The following WLS variants were observed in gnomAD, a reference collection of about 807,000 sequenced individuals.
The protein encoded by WLS is protein wntless homolog.
Under a neutral mutation model 62.8 loss-of-function variants are expected in WLS, and 23 were observed. The observed-to-expected ratio is 0.37, with a 90% CI of 0.26 to 0.52. The LOEUF is 0.52. WLS is among the 20% of genes least tolerant of loss of function. The probability of loss-of-function intolerance (pLI) is 0.92; values close to 1 mark genes in which losing one functional copy is unlikely to be tolerated. For synonymous variants in WLS, 246 were observed against 244.1 expected (o/e 1.01, Z -0.07); for missense variants, 615 against 697.3 (o/e 0.88, Z 1.33).
chr1:68,224,975 A>G (rs533869459), intron 1 of WLS, among the ~76,000 whole-genome samples: 1 of 152,288 alleles, frequency 6.6e-6, no homozygotes, highest in Non-Finnish European at 1.5e-5. Flanking sequence ...ACTCTTATTT[A>G]CTATCTCTGC....
At chr1:68,159,779 G>T (rs1426072986) in intron 2 of WLS, among the ~76,000 whole-genome samples, 1 of 152,162 alleles carries the variant, frequency 6.6e-6, no homozygotes, top group East Asian at 1.9e-4. Context: ...ATTCCCGAAA[G>T]TTCTCAAATA....
intron 1 of WLS, among the ~76,000 whole-genome samples, chr1:68,227,222 C>T (rs565747985): frequency 2.0e-5 from 3 of 151,994 alleles, no homozygotes; most frequent in South Asian, 4.2e-4. Flanking sequence ...GGTGAAACCC[C>T]GCCTGGCCAA....
At chr1:68,153,179 T>G (rs1367789534) in intron 5 of WLS, among the ~76,000 whole-genome samples, 1 of 151,898 alleles carries the variant, frequency 6.6e-6, no homozygotes, top group African/African-American at 2.4e-5. Context: ...GAGGCTGAGG[T>G]GGGATGACCA....
At chr1:68,162,810 C>A (rs796314259) in intron 2 of WLS, 1 of 1,246,152 alleles carries the variant, frequency 8.0e-7, no homozygotes, top group South Asian at 1.2e-5. Flanking sequence ...GGGCCTTAAA[C>A]TTTTCTAGGT....
chr1:68,147,885 G>A (rs746594908), intron 8 of WLS, among the ~76,000 whole-genome samples: 4 of 152,222 alleles, frequency 2.6e-5, no homozygotes, highest in Non-Finnish European at 5.9e-5. Flanking sequence ...GCTGCAGTAA[G>A]CCTAGCAACT....
chr1:68,101,753 T>C (rs9436366), intron 11 of WLS, among the ~76,000 whole-genome samples: 6,622 of 152,280 alleles, frequency 0.043, 425 homozygotes, highest in African/African-American at 0.14. Flanking sequence ...ATGGTGAAAG[T>C]TCAGGAAGAC....
At chr1:68,129,010 C>T (rs1234630773) in intron 11 of WLS, among the ~76,000 whole-genome samples, 1 of 150,274 alleles carries the variant, frequency 6.7e-6, no homozygotes, top group South Asian at 2.1e-4. Flanking sequence ...GAAGTCCACA[C>T]ACACAGCATT....
At chr1:68,165,663 T>C (rs748719937) in intron 2 of WLS, among the ~76,000 whole-genome samples, 16 of 152,134 alleles carry the variant, frequency 1.1e-4, no homozygotes, top group African/African-American at 3.1e-4. Context: ...CCTCTCTTTA[T>C]GGGATGGAGC....
At chr1:68,228,177 A>T (rs970026783) in intron 1 of WLS, 1 of 404,604 alleles carries the variant, frequency 2.5e-6, no homozygotes, top group Non-Finnish European at 4.8e-6. Flanking sequence ...AGAAACAATG[A>T]TCTTTTCTAA....
Position 68,126,108 on chromosome 1 carries a change from C to T in WLS, c.*118G>A. ...ATGTCCATGCCGCTGGTCCAAGAAACCACAGCTAAGAGCCATGAGGCATTC... is the reference window on the plus strand; with the variant it reads ...ATGTCCATGCCGCTGGTCCAAGAAATCACAGCTAAGAGCCATGAGGCATTC... On this transcript the variant is annotated 3_prime_UTR_variant, in exon 12 of 12. Coordinates refer to ENST00000262348, the MANE Select transcript of WLS (RefSeq NM_024911.7). The T allele has an allele frequency of 2.0e-6, 3 of 1,468,586 alleles. No individual in the cohort carries two copies. The highest frequency in any genetic ancestry group is 2.7e-6 in the Non-Finnish European group (3 of 1,107,124). 91.0% of individuals were successfully genotyped at this position (1,468,586 alleles called of 1,614,324 possible).
chr1:68,176,513 T>C (rs1476641063), intron 2 of WLS: 3 of 152,228 alleles, frequency 2.0e-5, no homozygotes, highest in Admixed American at 6.5e-5. Flanking sequence ...ATTCCACATT[T>C]TATTTCAGCA....
At position 68,194,145 on chromosome 1, in the gene WLS, G is replaced by T; in HGVS notation, c.189C>A (p.Phe63Leu). 2 of 1,614,166 alleles carry T rather than the reference G, an allele frequency of 1.2e-6. No individual in the cohort carries two copies. The highest frequency in any genetic ancestry group is 1.7e-6 in the Non-Finnish European group (2 of 1,180,028). The change falls in exon 2 of 12, where the codon TTC (phenylalanine) becomes TTA (leucine). Residue 63 changes from phenylalanine to leucine, a missense_variant. Phe to Leu is a conservative substitution (Grantham distance 22). Coordinates refer to ENST00000262348, the MANE Select transcript of WLS (RefSeq NM_024911.7). ...ARKNHHKTKWFVPWGPNHCDK... is the reference protein window; with the variant it reads ...ARKNHHKTKWLVPWGPNHCDK... ...CACAATGATTGGGTCCCCAAGGCAC[G>T]AACCATTTTGTCTTGTGATGGTTCT...
intron 11 of WLS, among the ~76,000 whole-genome samples, chr1:68,113,879 A>G (rs935485905): frequency 6.6e-6 from 1 of 152,236 alleles, no homozygotes; most frequent in Non-Finnish European, 1.5e-5. Flanking sequence ...GCATTTGAGA[A>G]AGAGTACATC....
rs758831892 is a variant in WLS, at chr1:68,127,127, C to T, written c.1517-792G>A. 2.3e-4 allele frequency: 93 copies of T among 402,728 alleles called. 1 individual carries two copies. The highest frequency in any genetic ancestry group is 3.3e-4 in the South Asian group (19 of 56,930). 24.9% of individuals were successfully genotyped at this position (402,728 alleles called of 1,614,324 possible). A position where few individuals can be genotyped will look rare whatever the true frequency, so the allele number is the denominator to read the frequency against. On this transcript the variant is annotated intron_variant, in intron 11 of 11. Coordinates refer to ENST00000262348, the MANE Select transcript of WLS (RefSeq NM_024911.7). ...GGAGGATCACTGGAGCACAGGAATT[C>T]TAGGCTGCAGTGAGCTATGATTGCA... is the stretch of plus-strand genomic sequence containing the variant.
At chr1:68,099,356 A>G (rs1646048666) in intron 11 of WLS, among the ~76,000 whole-genome samples, 1 of 152,242 alleles carries the variant, frequency 6.6e-6, no homozygotes, top group Non-Finnish European at 1.5e-5. Flanking sequence ...CCTAGTATCT[A>G]AAACGCACAC....
At chr1:68,221,984 G>A (rs1364634917) in intron 1 of WLS, among the ~76,000 whole-genome samples, 3 of 152,120 alleles carry the variant, frequency 2.0e-5, no homozygotes, top group Non-Finnish European at 4.4e-5. Flanking sequence ...GAAGAATGAG[G>A]AATTTTGTTG....
intron 11 of WLS, among the ~76,000 whole-genome samples, chr1:68,103,036 TCTGTATCTGACC>T: frequency 6.6e-6 from 1 of 152,212 alleles, no homozygotes; most frequent in Admixed American, 6.5e-5. Flanking sequence ...ATGTTCCTGT[TCTGTATCTGACC>T]CCAGTGGACC....
At chr1:68,227,405 CAAAAAAAAA>C (rs59704442) in intron 1 of WLS, among the ~76,000 whole-genome samples, 1 of 112,856 alleles carries the variant, frequency 8.9e-6, no homozygotes, top group African/African-American at 3.5e-5. Context: ...GACTCCGTCA[CAAAAAAAAA>C]AAAAAAAAAA....
chr1:68,156,250 G>A (rs541919251), intron 3 of WLS, among the ~76,000 whole-genome samples: 7 of 152,270 alleles, frequency 4.6e-5, no homozygotes, highest in African/African-American at 1.7e-4. Flanking sequence ...CAGCTTCAAT[G>A]TTTCCTTGGC....
Sources: allele counts gnomAD v4.1 joint callset (sites outside exome capture counted in the v4.1 genomes callset), GRCh38; gene constraint gnomAD v4.1.1; transcripts MANE v1.5; gene names NCBI Gene and HGNC (gene_info 2026-07-23, HGNC 2026-07-21).